ALMS1: variants seen among roughly 807,000 people sequenced by gnomAD.
ALMS1 encodes the protein ALMS1 centrosome and basal body associated protein.
ALMS1 carries 271 observed loss-of-function variants against 352.2 expected under a neutral mutation model. That is an observed-to-expected ratio of 0.77 (90% confidence interval 0.70 to 0.85). The LOEUF (loss-of-function observed/expected upper bound fraction) is 0.85, where lower values mean the gene tolerates loss of function less well. ALMS1 is among the 40% of genes least tolerant of loss of function. The probability of loss-of-function intolerance (pLI) is 0.00; values close to 1 mark genes in which losing one functional copy is unlikely to be tolerated. For missense variants in ALMS1, 5,445 were observed against 4,870.7 expected, an observed-to-expected ratio of 1.12 and a Z score of -3.51; for synonymous variants, 1,865 against 1,761.2, an observed-to-expected ratio of 1.06 and a Z score of -1.48.
intron 16 of ALMS1, among the ~76,000 whole-genome samples, chr2:73,576,193 C>T (rs1675051457): frequency 6.6e-6 from 1 of 152,178 alleles, no homozygotes; most frequent in African/African-American, 2.4e-5. Flanking sequence ...TATGCCACTA[C>T]TGCACTGTTT....
intron 11 of ALMS1, among the ~76,000 whole-genome samples, chr2:73,527,176 T>C (rs866382035): frequency 6.6e-6 from 1 of 152,068 alleles, no homozygotes; most frequent in African/African-American, 2.4e-5. Flanking sequence ...TTTGCTAGTA[T>C]TTTGTTGAGG....
At chr2:73,493,880 C>T (rs1673044907) in intron 10 of ALMS1, among the ~76,000 whole-genome samples, 1 of 151,974 alleles carries the variant, frequency 6.6e-6, no homozygotes, top group South Asian at 2.1e-4. Flanking sequence ...ATCATGTTAC[C>T]CTGAAATATA....
chr2:73,448,675 C>G lies in ALMS1; in HGVS notation c.2148C>G (p.His716Gln), dbSNP rs1395544491. ...TGTATVLSTP[H>Q]SHREKPGIFY... is the part of the protein sequence containing the mutation. ...CAGCAACAGTACTCTCTACTCCCCACTCACATAGAGAGAAGCCTGGTATTT... is the reference window on the plus strand; with the variant it reads ...CAGCAACAGTACTCTCTACTCCCCAGTCACATAGAGAGAAGCCTGGTATTT... Residue 716 changes from histidine (H) to glutamine (Q), a missense_variant, in exon 8 of 23, where the codon CAC becomes CAG. Coordinates refer to ENST00000613296, the MANE Select transcript of ALMS1 (RefSeq NM_001378454.1). 1 of 1,613,698 alleles carries G rather than the reference C, an allele frequency of 6.2e-7. No individual in the cohort carries two copies. The highest frequency in any genetic ancestry group is 8.5e-7 in the Non-Finnish European group (1 of 1,179,844).
At chr2:73,424,944 G>A (rs764068519) in intron 5 of ALMS1, 42 bp downstream of exon 5, 90 of 1,508,018 alleles carry the variant, frequency 6.0e-5, no homozygotes, top group Non-Finnish European at 7.8e-5. Flanking sequence ...TGACACAATT[G>A]ATAAAAATAA....
At chr2:73,500,506 C>G (rs1673197112) in intron 10 of ALMS1, among the ~76,000 whole-genome samples, 1 of 152,146 alleles carries the variant, frequency 6.6e-6, no homozygotes, top group African/African-American at 2.4e-5. Flanking sequence ...TTCTTCAGAA[C>G]TTTAGGCTCC....
rs761864114 is a variant in ALMS1, at chr2:73,489,719, T to A, written c.7760T>A (p.Phe2587Tyr). 1 of 1,614,140 alleles carries A rather than the reference T, an allele frequency of 6.2e-7. No individual in the cohort carries two copies. The highest frequency in any genetic ancestry group is 1.7e-5 in the Admixed American group (1 of 60,016). Residue 2587 changes from phenylalanine (F) to tyrosine (Y), a missense_variant, in exon 10 of 23, where the codon TTC becomes TAC. Phe to Tyr is a conservative substitution (Grantham distance 22, BLOSUM62 3). Coordinates refer to ENST00000613296, the MANE Select transcript of ALMS1 (RefSeq NM_001378454.1). ...ATTGAGAGCCATGAAAAGGGATGTT[T>A]CCGGACTCTAACTTCTGAACATCCA... ...IIIESHEKGC[F>Y]RTLTSEHPQL...
intron 7 of ALMS1, among the ~76,000 whole-genome samples, chr2:73,441,179 G>A (rs574506703): frequency 6.2e-4 from 94 of 152,298 alleles, no homozygotes; most frequent in Non-Finnish European, 1.3e-3. Flanking sequence ...GCTTTTCTAG[G>A]CCTCCTGATG....
chr2:73,558,843 C>T, intron 14 of ALMS1, 129 bp from the exon 15 acceptor site: 2 of 1,007,780 alleles, frequency 2.0e-6, no homozygotes, highest in South Asian at 3.0e-5. Flanking sequence ...TTTCTAAACG[C>T]ATTTCTGAGT....
In ALMS1 at chr2:73,572,603, C is replaced by A; in HGVS notation, c.10726C>A (p.Gln3576Lys). 2.5e-6 allele frequency: 4 copies of A among 1,613,824 alleles called. No homozygotes were observed. Among genetic ancestry groups the A allele is most frequent in the Non-Finnish European group, 3.4e-6 (4 of 1,179,954 alleles). ...TAGAGATTATCCAAAACATAATGGA[C>A]AAATTAGTGATCCACAAAGGGATCA... ...QVRDYPKHNGQISDPQRDQKV... is the reference protein window; with the variant it reads ...QVRDYPKHNGKISDPQRDQKV... Residue 3576 changes from glutamine (Q) to lysine (K), a missense_variant, in exon 16 of 23, where the codon CAA becomes AAA. Transcript: ENST00000613296.
chr2:73,544,441 A>G (rs968622570), intron 12 of ALMS1, among the ~76,000 whole-genome samples: 3 of 152,192 alleles, frequency 2.0e-5, no homozygotes, highest in Non-Finnish European at 4.4e-5. Context: ...GGTGCAGCAC[A>G]CCAACATGGC....
At chr2:73,485,794 C>G (rs938931919) in intron 9 of ALMS1, among the ~76,000 whole-genome samples, 2 of 152,126 alleles carry the variant, frequency 1.3e-5, no homozygotes, top group Non-Finnish European at 2.9e-5. Context: ...TTTTTTAAGC[C>G]GGTTGGAAAA....
At chr2:73,386,769 T>C (rs1670548140) in intron 1 of ALMS1, among the ~76,000 whole-genome samples, 2 of 152,164 alleles carry the variant, frequency 1.3e-5, no homozygotes, top group South Asian at 4.1e-4. Flanking sequence ...CCAAACAGTC[T>C]GCAAAACTAC....
At chr2:73,546,391 C>G (rs1026385843) in intron 12 of ALMS1, among the ~76,000 whole-genome samples, 1 of 152,064 alleles carries the variant, frequency 6.6e-6, no homozygotes, top group East Asian at 1.9e-4. Flanking sequence ...GCTGTCAGCT[C>G]ACGTTCATTT....
chr2:73,519,750 T>A, intron 10 of ALMS1, 25 bp from the exon 11 acceptor site: 1 of 1,613,774 alleles, frequency 6.2e-7, no homozygotes. Flanking sequence ...TATAATCTGC[T>A]GTATTCTTTC....
In ALMS1 at chr2:73,450,144, T is replaced by C. The variant is rs557083730; in HGVS notation, c.3617T>C (p.Leu1206Ser). ...EKPGIFYQQT[L>S]PGSHIPEEAQ... The stretch of plus-strand genomic sequence containing the variant: ...CCTGGTATTTTCTATCAACAGACCT[T>C]GCCAGGTAGTCACATACCTGAAGAG... Residue 1206 changes from leucine (L) to serine (S), a missense_variant, in exon 8 of 23, where the codon TTG becomes TCG. By Grantham distance (145) the Leu-to-Ser change is moderately radical. Coordinates refer to ENST00000613296, the MANE Select transcript of ALMS1 (RefSeq NM_001378454.1). 1 of 1,614,040 alleles carries C rather than the reference T, an allele frequency of 6.2e-7. No individual in the cohort carries two copies. Among genetic ancestry groups the C allele is most frequent in the African/African-American group, 1.3e-5 (1 of 75,008 alleles).
intron 7 of ALMS1, among the ~76,000 whole-genome samples, chr2:73,443,563 A>C (rs1671757067): frequency 6.6e-6 from 1 of 150,690 alleles, no homozygotes; most frequent in Non-Finnish European, 1.5e-5. Flanking sequence ...CTGCCCTTAC[A>C]CTGAATTTAG....
chr2:73,444,881 GA>G (rs1671776486), intron 7 of ALMS1, among the ~76,000 whole-genome samples: 1 of 151,934 alleles, frequency 6.6e-6, no homozygotes, highest in Admixed American at 6.6e-5. Flanking sequence ...AGGGATTAAC[GA>G]AATACAACAC....
rs1273934973 is a variant in ALMS1 at position 73,512,720 on chromosome 2, G to C, written c.9540-7055G>C. On this transcript the variant is annotated intron_variant, in intron 10 of 22. Coordinates refer to ENST00000613296, the MANE Select transcript of ALMS1 (RefSeq NM_001378454.1). Reference sequence around the variant, plus strand: ...TGCTCAAAATACAGATTTGGTGGCCGGTGGCAGCCCCTTCAAGCTGGCTCT... The same window carrying C: ...TGCTCAAAATACAGATTTGGTGGCCCGTGGCAGCCCCTTCAAGCTGGCTCT... Among the ~76,000 whole-genome samples the C allele has an allele frequency of 2.0e-5, 3 of 152,120 alleles. No homozygotes were observed. In the East Asian group the frequency reaches 5.8e-4, roughly 29 times the overall value.
intron 1 of ALMS1, among the ~76,000 whole-genome samples, chr2:73,396,308 A>T (rs1289158723): frequency 6.8e-6 from 1 of 146,576 alleles, no homozygotes; most frequent in East Asian, 2.0e-4. Context: ...AGAAATACAC[A>T]CACACACACA....
Sources: gnomAD v4.1 joint callset for allele counts (sites outside exome capture counted in the v4.1 genomes callset) on GRCh38, gnomAD v4.1.1 for gene constraint, MANE v1.5 for transcripts, NCBI Gene and HGNC (gene_info 2026-07-23, HGNC 2026-07-21) for gene names.